Variants in AATK observed in about 807,000 individuals in gnomAD.
AATK encodes lemur tail kinase 1, also known as serine/threonine-protein kinase LMTK1.
Under a neutral mutation model 114.3 loss-of-function variants are expected in AATK, and 91 were observed. That is an observed-to-expected ratio of 0.80 (90% CI 0.67 to 0.95). The LOEUF (loss-of-function observed/expected upper bound fraction) is 0.95. Ranked by LOEUF, AATK falls within the 40% of genes least tolerant of loss-of-function variation. AATK has a pLI of 0.00. For synonymous variants in AATK, 1,075 were observed against 916.5 expected (o/e 1.17, Z -3.12); for missense variants, 2,176 against 1,965.2 (o/e 1.11, Z -2.03).
intron 7 of AATK, among the ~76,000 whole-genome samples, chr17:81,125,653 G>C (rs1019605423): frequency 1.3e-5 from 2 of 152,150 alleles, no homozygotes; most frequent in African/African-American, 4.8e-5. Context: ...GGAGGCACAG[G>C]GTACTGGGTA....
intron 1 of AATK, among the ~76,000 whole-genome samples, chr17:81,147,965 C>T (rs559180080): frequency 1.1e-4 from 17 of 149,634 alleles, no homozygotes; most frequent in African/African-American, 3.9e-4. Context: ...AAATTACACA[C>T]GGTCACCATG....
intron 1 of AATK, chr17:81,165,618 C>A: frequency 6.9e-7 from 1 of 1,441,654 alleles, no homozygotes; most frequent in East Asian, 3.0e-5. Flanking sequence ...CCCAAGGGCC[C>A]TTAGTCTGAG....
intron 1 of AATK, among the ~76,000 whole-genome samples, chr17:81,153,726 G>A (rs1567826345): frequency 6.6e-6 from 1 of 152,192 alleles, no homozygotes; most frequent in African/African-American, 2.4e-5. Context: ...GCGTGGCACA[G>A]AAGACAGGAG....
In AATK at chr17:81,131,182, G is replaced by T. The variant is rs777488225; in HGVS notation, c.213C>A (p.Asp71Glu). The change falls in exon 3 of 14, where the codon GAC (aspartate) becomes GAA (glutamate). Residue 71 changes from aspartate to glutamate, a missense_variant. Physicochemically the swap from Asp to Glu is conservative, Grantham distance 45 (BLOSUM62 2). Coordinates refer to ENST00000326724, the MANE Select transcript of AATK (RefSeq NM_001080395.3). ...GFKEFENAEG[D>E]EYAADLAQGS... ...CCTGCGCCAGGTCGGCTGCGTACTC[G>T]TCCCCCTCCGCATTCTCAAACTCCT... 6.3e-7 allele frequency: 1 copy of T among 1,580,810 alleles called. No individual in the cohort carries two copies. Among genetic ancestry groups the T allele is most frequent in the South Asian group, 1.2e-5 (1 of 86,816 alleles).
intron 6 of AATK, among the ~76,000 whole-genome samples, chr17:81,127,193 G>C (rs893356928): frequency 2.6e-5 from 4 of 152,144 alleles, no homozygotes; most frequent in African/African-American, 9.6e-5. Flanking sequence ...AGGCAGCCTG[G>C]GGAAGTGGCC....
chr17:81,131,283 C>T, intron 2 of AATK, 78 bp from the exon 3 acceptor site: 1 of 1,467,424 alleles, frequency 6.8e-7, no homozygotes, highest in Non-Finnish European at 9.0e-7. Flanking sequence ...AGGCCCCTTT[C>T]TTCCAGGGCC....
intron 1 of AATK, among the ~76,000 whole-genome samples, chr17:81,147,049 C>A (rs1470449800): frequency 2.0e-5 from 3 of 150,878 alleles, no homozygotes; most frequent in African/African-American, 7.3e-5. Context: ...CAAAGATGTT[C>A]ATTGCAGTGG....
intron 3 of AATK, among the ~76,000 whole-genome samples, chr17:81,130,567 C>G (rs997408956): frequency 6.6e-6 from 1 of 152,158 alleles, no homozygotes; most frequent in Non-Finnish European, 1.5e-5. Context: ...GCCCCACCAG[C>G]GCCCCTCCTC....
rs781774866 is a variant in AATK at position 81,126,281 on chromosome 17, C to T, written c.755+146G>A. 6.0e-5 allele frequency: 66 copies of T among 1,098,146 alleles called. No individual in the cohort carries two copies. The highest frequency in any genetic ancestry group is 7.8e-5 in the Non-Finnish European group (62 of 790,034). 68.0% of individuals were successfully genotyped at this position (1,098,146 alleles called of 1,614,324 possible). A position where few individuals can be genotyped will look rare whatever the true frequency, so the allele number is the denominator to read the frequency against. ...ATTTTTCAAAAACGTCATAAAATCC[C>T]TCTGCATAGTGGTTGTCTGATGCTG... On this transcript the variant is annotated intron_variant, in intron 7 of 13. Coordinates refer to ENST00000326724, the MANE Select transcript of AATK (RefSeq NM_001080395.3). The surrounding 1 kb of genome is among the most constrained non-coding windows in gnomAD (Gnocchi z 5.1).
Position 81,123,213 on chromosome 17 carries a change from G to C in AATK, c.1093C>G (p.Leu365Val), listed in dbSNP as rs1252719310. The change falls in exon 10 of 14, where the codon CTG becomes GTG. Residue 365 changes from leucine to valine, a missense_variant. Physicochemically the swap from Leu to Val is conservative, Grantham distance 32. Around this residue, in one of 4 missense-constraint regions of AATK, gnomAD observed 273 missense variants for 344.1 expected, o/e 0.79. Coordinates refer to ENST00000326724, the MANE Select transcript of AATK (RefSeq NM_001080395.3). ...CCTCACCAGCGGTCCGACAGGGTCA[G>C]CTGCAGCTGGGGCTTGGGCAGCTTG... ...QLKLPKPQLQ[L>V]TLSDRWYEVM... The C allele has an allele frequency of 7.0e-7, 1 of 1,426,114 alleles. No individual in the cohort carries two copies. The highest frequency in any genetic ancestry group is 9.2e-7 in the Non-Finnish European group (1 of 1,092,026). The allele number at this position is 1,426,114 out of a possible 1,614,324, so 88.3% of individuals were successfully genotyped here. A position where few individuals can be genotyped will look rare whatever the true frequency, so the allele number is the denominator to read the frequency against.
chr17:81,125,089 T>C, intron 7 of AATK, 75 bp from the exon 8 acceptor site: 2 of 877,394 alleles, frequency 2.3e-6, no homozygotes, highest in Non-Finnish European at 3.5e-6. Flanking sequence ...AGGGGGAGGG[T>C]CAGTGGGGTG....
Position 81,122,874 on chromosome 17 carries a change from C to G in AATK, c.1113-51G>C. ...CGTCAGAGGCAACGCTGGCCAGGAA[C>G]GCGTCCCTGGAGCAGGGATGGGGGT... On this transcript the variant is annotated intron_variant, in intron 10 of 13. Transcript: ENST00000326724. The G allele has an allele frequency of 2.2e-6, 3 of 1,394,974 alleles. No homozygotes were observed. The South Asian group carries it at 4.7e-5, about 22-fold the overall frequency. 86.4% of individuals were successfully genotyped at this position (1,394,974 alleles called of 1,614,324 possible).
Position 81,128,920 on chromosome 17 carries a change from G to A in AATK, c.335-371C>T, listed in dbSNP as rs1598925746. 3.6e-6 allele frequency: 4 copies of A among 1,125,356 alleles called. No individual in the cohort carries two copies. The East Asian group carries it at 2.5e-4, about 69-fold the overall frequency. The allele number at this position is 1,125,356 out of a possible 1,614,324, so 69.7% of individuals were successfully genotyped here. A position where few individuals can be genotyped will look rare whatever the true frequency, so the allele number is the denominator to read the frequency against. On this transcript the variant is annotated intron_variant, in intron 3 of 13. Transcript: ENST00000326724. ...GAGGCTGGGGCCACGGCACAGAGAG[G>A]GCACTGGAGCGGCCCACCCCCACCC...
intron 1 of AATK, among the ~76,000 whole-genome samples, chr17:81,141,671 G>C (rs1469469060): frequency 6.6e-6 from 1 of 152,184 alleles, no homozygotes; most frequent in African/African-American, 2.4e-5. Flanking sequence ...CTTGGTGGCT[G>C]GGCAGGTCCC....
At chr17:81,143,928 T>G (rs2061177971) in intron 1 of AATK, among the ~76,000 whole-genome samples, 1 of 152,044 alleles carries the variant, frequency 6.6e-6, no homozygotes, top group South Asian at 2.1e-4. Context: ...TCCCAGCCAT[T>G]CCCCCCACAA....
chr17:81,142,808 C>T (rs1015701877), intron 1 of AATK, among the ~76,000 whole-genome samples: 6 of 152,216 alleles, frequency 3.9e-5, no homozygotes, highest in East Asian at 1.9e-4. Flanking sequence ...TCCCTGTCCC[C>T]GTCCCCCAAA....
At chr17:81,132,923 T>C (rs1269864729) in intron 2 of AATK, 8 of 250,384 alleles carry the variant, frequency 3.2e-5, no homozygotes, top group Admixed American at 2.5e-4. Context: ...GTTTGGGGCC[T>C]TGTTCTTACA....
chr17:81,149,381 T>C (rs1025147480), intron 1 of AATK, among the ~76,000 whole-genome samples: 2 of 152,142 alleles, frequency 1.3e-5, no homozygotes, highest in African/African-American at 2.4e-5. Context: ...TCCTGCCTCC[T>C]GCCCTCCCCG....
intron 6 of AATK, among the ~76,000 whole-genome samples, chr17:81,127,158 C>T (rs1286522701): frequency 2.7e-5 from 4 of 150,106 alleles, no homozygotes; most frequent in Admixed American, 6.6e-5. Flanking sequence ...GGGCGGGGGG[C>T]GTTGATGGGC....
Sources: allele counts gnomAD v4.1 joint callset (sites outside exome capture counted in the v4.1 genomes callset), GRCh38; gene constraint gnomAD v4.1.1; regional missense constraint gnomAD v4.1.1; non-coding constraint Gnocchi (gnomAD v3.1); transcripts MANE v1.5; gene names NCBI Gene and HGNC (gene_info 2026-07-23, HGNC 2026-07-21).